ARHGAP10: variants seen among roughly 807,000 people sequenced by gnomAD.
ARHGAP10 encodes the protein Rho GTPase activating protein 10.
In ARHGAP10, 87 loss-of-function variants were observed where a neutral mutation model predicts 108.6. The observed-to-expected ratio is 0.80, with a 90% CI of 0.67 to 0.96. The LOEUF (loss-of-function observed/expected upper bound fraction) is 0.96. Among genes scored for constraint, ARHGAP10 ranks in the 40% least tolerant of loss-of-function variants. The pLI, the probability that ARHGAP10 is intolerant of heterozygous loss-of-function variation, is 0.00. For synonymous variants in ARHGAP10, 347 were observed against 341.1 expected, an observed-to-expected ratio of 1.02 and a Z score of -0.19; for missense variants, 939 against 954.5, an observed-to-expected ratio of 0.98 and a Z score of 0.21.
intron 1 of ARHGAP10, among the ~76,000 whole-genome samples, chr4:147,784,403 A>G (rs934943718): frequency 8.0e-6 from 1 of 125,736 alleles, no homozygotes; most frequent in Non-Finnish European, 1.6e-5. Context: ...AAATTATATA[A>G]TATAAAGTTA....
chr4:148,057,168 G>A (rs1207622680), intron 20 of ARHGAP10, among the ~76,000 whole-genome samples: 5 of 152,198 alleles, frequency 3.3e-5, no homozygotes, highest in African/African-American at 1.2e-4. Flanking sequence ...GCCTAGGGGA[G>A]GAAGAAACTG....
intron 1 of ARHGAP10, among the ~76,000 whole-genome samples, chr4:147,774,142 TGCCTGGCACATAGTTA>T (rs576707440): frequency 1.5e-3 from 227 of 152,362 alleles, no homozygotes; most frequent in Admixed American, 2.6e-3. Context: ...TTTAGGATAG[TGCCTGGCACATAGTTA>T]GCCCTGTATA....
At chr4:147,936,856 G>A (rs2164529) in intron 13 of ARHGAP10, among the ~76,000 whole-genome samples, 145,231 of 152,254 alleles carry the variant, frequency 0.95, 69,272 homozygotes, top group East Asian at 0.97. Context: ...TCCCCAGACC[G>A]TGGCCTATTA....
intron 16 of ARHGAP10, among the ~76,000 whole-genome samples, chr4:147,958,912 A>G (rs983916595): frequency 6.6e-6 from 1 of 152,192 alleles, no homozygotes; most frequent in Non-Finnish European, 1.5e-5. Flanking sequence ...GCTGATTTGT[A>G]GTTACACAAT....
chr4:147,782,854 C>CAT (rs1730593199), intron 1 of ARHGAP10, among the ~76,000 whole-genome samples: 2 of 142,958 alleles, frequency 1.4e-5, no homozygotes, highest in Non-Finnish European at 1.5e-5. Context: ...GAAAAATTTT[C>CAT]ATATATATAT....
chr4:147,800,329 CTG>C (rs895978169), intron 1 of ARHGAP10, among the ~76,000 whole-genome samples: 1 of 152,190 alleles, frequency 6.6e-6, no homozygotes, highest in African/African-American at 2.4e-5. Flanking sequence ...TTCCTCATGT[CTG>C]TGTGCAATGG....
chr4:147,791,301 A>G (rs1409718690), intron 1 of ARHGAP10, among the ~76,000 whole-genome samples: 2 of 151,742 alleles, frequency 1.3e-5, no homozygotes, highest in African/African-American at 4.8e-5. Context: ...TAGCAGAGAC[A>G]GGGTTTTGCT....
chr4:148,035,479 A>G (rs1728336699), intron 19 of ARHGAP10, among the ~76,000 whole-genome samples: 1 of 152,164 alleles, frequency 6.6e-6, no homozygotes, highest in Non-Finnish European at 1.5e-5. Flanking sequence ...AGAATTTCAG[A>G]TACATTATAT....
At chr4:147,975,169 G>A (rs1052651908) in intron 18 of ARHGAP10, among the ~76,000 whole-genome samples, 1 of 152,174 alleles carries the variant, frequency 6.6e-6, no homozygotes, top group African/African-American at 2.4e-5. Flanking sequence ...AAGCATTTTA[G>A]CCTTTGTAAT....
At chr4:147,799,525 A>G (rs757585540) in intron 1 of ARHGAP10, among the ~76,000 whole-genome samples, 6 of 151,994 alleles carry the variant, frequency 3.9e-5, no homozygotes, top group South Asian at 2.1e-4. Context: ...CCTGTTTTCT[A>G]TTGTTCTGAT....
rs114023294 is a variant in ARHGAP10, at chr4:148,053,339, C to G, written c.2027+6288C>G. 9.2e-3 allele frequency among the ~76,000 whole-genome samples: 1,408 copies of G among 152,334 alleles called. 27 individuals are homozygous for G. The highest frequency in any genetic ancestry group is 0.032 in the African/African-American group (1,312 of 41,570). The stretch of plus-strand genomic sequence containing the variant: ...CCAGTGAAACAGCCATGGCTGTCAA[C>G]TGGTCAGTGCCCTTGGTTTGAAGAG... On this transcript the variant is annotated intron_variant, in intron 20 of 22. Coordinates refer to ENST00000336498, the MANE Select transcript of ARHGAP10 (RefSeq NM_024605.4).
chr4:147,777,321 C>T lies in ARHGAP10; in HGVS notation c.154+44866C>T, dbSNP rs377483302. Among the ~76,000 whole-genome samples, 36 of 150,566 alleles carry T rather than the reference C, an allele frequency of 2.4e-4. 1 individual carries two copies. The South Asian group carries it at 5.5e-3, about 23-fold the overall frequency. On this transcript the variant is annotated intron_variant, in intron 1 of 22. Transcript: ENST00000336498. ...TCACCCAGGCTGGAGTGCAGTGGCG[C>T]GATTTCGGCTCACTGCAAGCTCCAC...
chr4:147,758,972 C>CAA (rs748165721), intron 1 of ARHGAP10, among the ~76,000 whole-genome samples: 19 of 56,178 alleles, frequency 3.4e-4, no homozygotes, highest in Non-Finnish European at 5.7e-4. Flanking sequence ...GACTCTGTCT[C>CAA]AAAAAAAAAA....
intron 8 of ARHGAP10, 96 bp from the exon 9 acceptor site, chr4:147,879,136 T>C (rs1735221172): frequency 2.2e-6 from 2 of 923,496 alleles, no homozygotes; most frequent in South Asian, 3.6e-5. Context: ...TATTCGTTGC[T>C]GCGTTTTAGA....
intron 19 of ARHGAP10, among the ~76,000 whole-genome samples, chr4:148,042,170 G>T (rs1477377669): frequency 6.6e-6 from 1 of 152,066 alleles, no homozygotes; most frequent in African/African-American, 2.4e-5. Flanking sequence ...TTCAGTTAAT[G>T]ATTCTACCAT....
chr4:147,961,155 C>G (rs186954074), intron 16 of ARHGAP10, among the ~76,000 whole-genome samples: 70 of 152,302 alleles, frequency 4.6e-4, no homozygotes, highest in African/African-American at 1.2e-3. Flanking sequence ...TGGTTGAACC[C>G]TTTAATGATT....
intron 13 of ARHGAP10, among the ~76,000 whole-genome samples, chr4:147,924,899 A>G (rs1737400833): frequency 6.6e-6 from 1 of 152,190 alleles, no homozygotes; most frequent in African/African-American, 2.4e-5. Flanking sequence ...AGATAAATCC[A>G]GTCATTGAGG....
At chr4:147,990,826 G>A (rs925984783) in intron 18 of ARHGAP10, among the ~76,000 whole-genome samples, 1 of 152,000 alleles carries the variant, frequency 6.6e-6, no homozygotes, top group Admixed American at 6.6e-5. Context: ...TAGACCCTGG[G>A]CAACATGGTG....
At chr4:147,751,116 T>G (rs561686662) in intron 1 of ARHGAP10, among the ~76,000 whole-genome samples, 1 of 151,134 alleles carries the variant, frequency 6.6e-6, no homozygotes, top group Non-Finnish European at 1.5e-5. Flanking sequence ...AAGGCAGAGG[T>G]TGCAGTGAGC....
Sources: allele counts gnomAD v4.1 joint callset (sites outside exome capture counted in the v4.1 genomes callset), GRCh38; gene constraint gnomAD v4.1.1; transcripts MANE v1.5; gene names NCBI Gene and HGNC (gene_info 2026-07-23, HGNC 2026-07-21).